The following RAP1GAP2 variants were observed in gnomAD, a reference collection of about 807,000 sequenced individuals.
The protein encoded by RAP1GAP2 is RAP1 GTPase activating protein 2.
Under a neutral mutation model 95.0 loss-of-function variants are expected in RAP1GAP2, and 27 were observed. That is an observed-to-expected ratio of 0.28 (90% confidence interval 0.21 to 0.39). The LOEUF (loss-of-function observed/expected upper bound fraction) is 0.39, where lower values mean the gene tolerates loss of function less well. Among genes scored for constraint, RAP1GAP2 ranks in the 10% least tolerant of loss-of-function variants. The pLI, the probability that RAP1GAP2 is intolerant of heterozygous loss-of-function variation, is 1.00. For synonymous variants in RAP1GAP2, 373 were observed against 380.9 expected (o/e 0.98, Z 0.24); for missense variants, 771 against 970.0 (o/e 0.79, Z 2.72).
At chr17:2,938,988 AAAAAC>A (rs1002230157) in intron 3 of RAP1GAP2, among the ~76,000 whole-genome samples, 1 of 152,224 alleles carries the variant, frequency 6.6e-6, no homozygotes, top group African/African-American at 2.4e-5. Context: ...CTCCGTCTCA[AAAAAC>A]AAAACAAAAC....
intron 1 of RAP1GAP2, among the ~76,000 whole-genome samples, chr17:2,788,726 G>A (rs1326825159): frequency 2.0e-5 from 3 of 152,202 alleles, no homozygotes; most frequent in East Asian, 3.8e-4. Flanking sequence ...AACGAGGAGC[G>A]TTGATAGCTG....
intron 1 of RAP1GAP2, among the ~76,000 whole-genome samples, chr17:2,779,784 A>G (rs2068595515): frequency 9.9e-6 from 1 of 101,180 alleles, no homozygotes; most frequent in African/African-American, 3.8e-5. Flanking sequence ...GTGGGGGAGG[A>G]CAAGGCAGGG....
chr17:2,833,487 G>A lies in RAP1GAP2; in HGVS notation c.80+32937G>A, dbSNP rs150415950. Among the ~76,000 whole-genome samples, 659 of 151,888 alleles carry A rather than the reference G, an allele frequency of 4.3e-3. 6 individuals carry two copies. Among genetic ancestry groups the A allele is most frequent in the African/African-American group, 0.015 (612 of 41,442 alleles). Reference sequence around the variant, plus strand: ...TGAAAAGTGCCGAGGTCAGGAGATCGAGACCATCTTGGCTAACACGGTGAA... The same window carrying A: ...TGAAAAGTGCCGAGGTCAGGAGATCAAGACCATCTTGGCTAACACGGTGAA... On this transcript the variant is annotated intron_variant, in intron 2 of 24. Coordinates refer to ENST00000254695, the MANE Select transcript of RAP1GAP2 (RefSeq NM_015085.5).
At chr17:3,010,917 T>TA (rs1372135187) in intron 17 of RAP1GAP2, among the ~76,000 whole-genome samples, 2 of 152,048 alleles carry the variant, frequency 1.3e-5, no homozygotes, top group Non-Finnish European at 2.9e-5. Flanking sequence ...AGATTTTTTT[T>TA]AAATTTTTTT....
intron 12 of RAP1GAP2, among the ~76,000 whole-genome samples, chr17:2,994,355 A>T (rs548660927): frequency 6.6e-6 from 1 of 152,254 alleles, no homozygotes; most frequent in East Asian, 1.9e-4. Context: ...TCTGCTGAAG[A>T]CTGTGATCAA....
At chr17:2,828,998 T>A (rs899056130) in intron 2 of RAP1GAP2, among the ~76,000 whole-genome samples, 1 of 147,292 alleles carries the variant, frequency 6.8e-6, no homozygotes, top group African/African-American at 2.5e-5. Context: ...TTTTTTTTTT[T>A]TTTTTGGGAA....
intron 2 of RAP1GAP2, among the ~76,000 whole-genome samples, chr17:2,808,664 C>T (rs1396485525): frequency 6.6e-6 from 1 of 152,210 alleles, no homozygotes; most frequent in African/African-American, 2.4e-5. Context: ...CAGCTGGCCA[C>T]ACCACAGAAC....
chr17:2,782,357 G>T (rs539304592), intron 1 of RAP1GAP2, among the ~76,000 whole-genome samples: 1 of 152,218 alleles, frequency 6.6e-6, no homozygotes, highest in Admixed American at 6.5e-5. Context: ...ATGGCTGCAG[G>T]GGGTGGGCAG....
At chr17:3,018,348 G>C in intron 18 of RAP1GAP2, 150 bp downstream of exon 18, 1 of 1,124,968 alleles carries the variant, frequency 8.9e-7, no homozygotes, top group Admixed American at 3.1e-5. Flanking sequence ...GCTTGGGGGT[G>C]ACCCTGACCC....
At chr17:3,019,594 ACATACTCAC>A (rs1567904172) in intron 18 of RAP1GAP2, among the ~76,000 whole-genome samples, 2 of 152,218 alleles carry the variant, frequency 1.3e-5, no homozygotes, top group Non-Finnish European at 2.9e-5. Context: ...AAATAGCAGA[ACATACTCAC>A]CATGGAACTA....
In RAP1GAP2 at chr17:2,841,103, C is replaced by T. The variant is rs376616997; in HGVS notation, c.80+40553C>T. ...CTGGGAGGCAGAGGTTGCAGTGAGC[C>T]GAGATTGCGCCACTGCACTCCAGCC... On this transcript the variant is annotated intron_variant, in intron 2 of 24. Coordinates refer to ENST00000254695, the MANE Select transcript of RAP1GAP2 (RefSeq NM_015085.5). 2.0e-4 allele frequency among the ~76,000 whole-genome samples: 31 copies of T among 151,606 alleles called. No homozygotes were observed. In the East Asian group the frequency reaches 3.5e-3, roughly 17 times the overall value.
chr17:2,930,321 C>T (rs905269260), intron 3 of RAP1GAP2, among the ~76,000 whole-genome samples: 1 of 152,218 alleles, frequency 6.6e-6, no homozygotes, highest in Non-Finnish European at 1.5e-5. Flanking sequence ...ACAAGCCCAC[C>T]AGCTGCTCAC....
rs909817707 is a variant in RAP1GAP2 at position 2,866,706 on chromosome 17, T to C, written c.81-38578T>C. On this transcript the variant is annotated intron_variant, in intron 2 of 24. Coordinates refer to ENST00000254695, the MANE Select transcript of RAP1GAP2 (RefSeq NM_015085.5). This position sits in a 1 kb window ranked among gnomAD's most constrained non-coding sequence, Gnocchi z 4.0. Reference sequence around the variant, plus strand: ...CCTCCGCCTCCCGGGTTCAAGCGATTCTCCTGTCTCAGCCTCCCGAGTAGC... The same window carrying C: ...CCTCCGCCTCCCGGGTTCAAGCGATCCTCCTGTCTCAGCCTCCCGAGTAGC... Among the ~76,000 whole-genome samples, 5 of 151,674 alleles carry C rather than the reference T, an allele frequency of 3.3e-5. No individual in the cohort carries two copies. The highest frequency in any genetic ancestry group is 1.2e-4 in the African/African-American group (5 of 41,224).
chr17:2,896,356 C>G (rs955110699), intron 2 of RAP1GAP2, among the ~76,000 whole-genome samples: 3 of 152,198 alleles, frequency 2.0e-5, no homozygotes, highest in African/African-American at 7.2e-5. Context: ...CCACTGTCCC[C>G]TCCTCGCTCC....
chr17:3,037,323 C>G lies in RAP1GAP2; in HGVS notation c.*3962C>G, dbSNP rs1220574719. On this transcript the variant is annotated 3_prime_UTR_variant, in exon 25 of 25. Transcript: ENST00000254695. Reference sequence around the variant, plus strand: ...TGGAAGACTGGAATTTAATTGCCATCGTCTTTGATTTTGTGACATTTCTGC... The same window carrying G: ...TGGAAGACTGGAATTTAATTGCCATGGTCTTTGATTTTGTGACATTTCTGC... 7.7e-6 allele frequency: 1 copy of G among 129,976 alleles called. No individual in the cohort carries two copies. Among genetic ancestry groups the G allele is most frequent in the African/African-American group, 2.7e-5 (1 of 37,040 alleles). The allele number at this position is 129,976 out of a possible 1,614,324, so 8.1% of individuals were successfully genotyped here.
At chr17:3,018,853 A>C (rs2046864776) in intron 18 of RAP1GAP2, among the ~76,000 whole-genome samples, 1 of 152,110 alleles carries the variant, frequency 6.6e-6, no homozygotes, top group South Asian at 2.1e-4. Context: ...CCACAAGGTC[A>C]GGAGTTCAAG....
At position 2,855,852 on chromosome 17, in the gene RAP1GAP2, G is replaced by A. The variant is rs1002067662; in HGVS notation, c.81-49432G>A. On this transcript the variant is annotated intron_variant, in intron 2 of 24. Transcript: ENST00000254695. The surrounding 1 kb of genome is among the most constrained non-coding windows in gnomAD (Gnocchi z 4.3). ...TGGTCTCAAACTCCTGAGCTCAGGC[G>A]ATCCACCTGCCTCGGCCTCTCAAAG... Among the ~76,000 whole-genome samples, 1 of 152,192 alleles carries A rather than the reference G, an allele frequency of 6.6e-6. No individual in the cohort carries two copies. The highest frequency in any genetic ancestry group is 2.4e-5 in the African/African-American group (1 of 41,446).
intron 2 of RAP1GAP2, among the ~76,000 whole-genome samples, chr17:2,889,885 A>AT (rs1356255749): frequency 4.5e-5 from 2 of 44,864 alleles, no homozygotes; most frequent in African/African-American, 8.5e-5. Context: ...ATATATATAT[A>AT]TATATTTTTT....
intron 2 of RAP1GAP2, among the ~76,000 whole-genome samples, chr17:2,820,903 T>TTTTTTTTTTTTTTTG (rs1567678183): frequency 4.1e-5 from 6 of 145,868 alleles, no homozygotes; most frequent in African/African-American, 1.5e-4. Context: ...TTTTTTTTTT[T>TTTTTTTTTTTTTTTG]TTTTTTGTAT....
Sources: allele counts gnomAD v4.1 joint callset (sites outside exome capture counted in the v4.1 genomes callset), GRCh38; gene constraint gnomAD v4.1.1; non-coding constraint Gnocchi (gnomAD v3.1); transcripts MANE v1.5; gene names NCBI Gene and HGNC (gene_info 2026-07-23, HGNC 2026-07-21).